The following GDPD1 variants were observed in gnomAD, a reference collection of about 807,000 sequenced individuals.
The protein encoded by GDPD1 is lysophospholipase D GDPD1.
GDPD1 carries 28 observed loss-of-function variants against 45.1 expected under a neutral mutation model. That is an observed-to-expected ratio of 0.62 (90% CI 0.46 to 0.85). GDPD1 has a LOEUF of 0.85. Among genes scored for constraint, GDPD1 ranks in the 40% least tolerant of loss-of-function variants. GDPD1 has a pLI of 0.00. For synonymous variants in GDPD1, 139 were observed against 131.4 expected (o/e 1.06, Z -0.40); for missense variants, 256 against 364.8 (o/e 0.70, Z 2.43).
At chr17:59,264,363 A>G (rs1336690266) in intron 6 of GDPD1, among the ~76,000 whole-genome samples, 1 of 149,828 alleles carries the variant, frequency 6.7e-6, no homozygotes, top group African/African-American at 2.5e-5. Context: ...GCACGATCTC[A>G]GCTCACTGCA....
chr17:59,230,807 A>C (rs1312150633), intron 1 of GDPD1, among the ~76,000 whole-genome samples: 1 of 152,182 alleles, frequency 6.6e-6, no homozygotes, highest in Non-Finnish European at 1.5e-5. Context: ...TGCTGTTGAA[A>C]ATCTGACACA....
intron 6 of GDPD1, chr17:59,260,981 G>T (rs890937995): frequency 1.3e-5 from 2 of 152,118 alleles, no homozygotes; most frequent in African/African-American, 4.8e-5. Context: ...TAAGTTTGTT[G>T]TGGTTGTTGT....
intron 1 of GDPD1, among the ~76,000 whole-genome samples, chr17:59,232,911 A>AT (rs2047102293): frequency 6.6e-6 from 1 of 152,020 alleles, no homozygotes; most frequent in Non-Finnish European, 1.5e-5. Flanking sequence ...GTGTATGGTA[A>AT]TTTTTTAATC....
chr17:59,220,645 G>A lies in GDPD1; in HGVS notation c.36G>A (p.Thr12=), dbSNP rs757981999. Residue 12 remains threonine (T), a synonymous_variant, in exon 1 of 10, where the codon ACG becomes ACA. Transcript: ENST00000284116. ...SSTAAFYLLS[T]LGGYLVTSFL... ...CTGCGGCTTTTTACCTTCTCTCTAC[G>A]CTAGGAGGATACTTGGTGACCTCAT... 8 of 1,614,102 alleles carry A rather than the reference G, an allele frequency of 5.0e-6. No homozygotes were observed. Among genetic ancestry groups the A allele is most frequent in the Middle Eastern group, 1.6e-4 (1 of 6,062 alleles).
chr17:59,246,218 T>C (rs1180902739), intron 3 of GDPD1, among the ~76,000 whole-genome samples: 1 of 152,180 alleles, frequency 6.6e-6, no homozygotes, highest in Admixed American at 6.5e-5. Flanking sequence ...AAAACACTTA[T>C]GTTAACAGGA....
intron 7 of GDPD1, among the ~76,000 whole-genome samples, chr17:59,269,751 A>C (rs1260931168): frequency 1.3e-5 from 2 of 151,998 alleles, no homozygotes; most frequent in Admixed American, 1.3e-4. Flanking sequence ...TGAACCCAGA[A>C]GGTGGGGGTT....
rs1174794003 is a variant in GDPD1 at position 59,255,743 on chromosome 17, C to CAAAAAA, written c.368-1364_368-1359dup. On this transcript the variant is annotated intron_variant, in intron 4 of 9. Coordinates refer to ENST00000284116, the MANE Select transcript of GDPD1 (RefSeq NM_182569.4). ...GGGCAACAAGAACGAAACTCCGTCT[C>CAAAAAA]AAAAAAAAAAAAAAAAAAAATATAT... is the stretch of plus-strand genomic sequence containing the variant. Among the ~76,000 whole-genome samples, 5 of 26,612 alleles carry CAAAAAA rather than the reference C, an allele frequency of 1.9e-4. 1 individual carries two copies. Among genetic ancestry groups the CAAAAAA allele is most frequent in the African/African-American group, 7.7e-4 (3 of 3,880 alleles). 17.5% of individuals were successfully genotyped at this position (26,612 alleles called of 152,430 possible).
chr17:59,245,337 C>T, intron 2 of GDPD1, 77 bp from the exon 3 acceptor site: 3 of 1,148,802 alleles, frequency 2.6e-6, no homozygotes, highest in Non-Finnish European at 3.8e-6. Flanking sequence ...ATTTGTAACT[C>T]TGAATTGTTA....
At position 59,274,154 on chromosome 17, in the gene GDPD1, C is replaced by A; in HGVS notation, c.*381C>A. On this transcript the variant is annotated 3_prime_UTR_variant, in exon 10 of 10. Transcript: ENST00000284116. ...AAACTAGGTTATCTAGGTTATTGAT[C>A]AAGATTTCTGTAGATGATGCAGTGT... The A allele has an allele frequency of 1.1e-6, 1 of 948,236 alleles. No homozygotes were observed. The highest frequency in any genetic ancestry group is 1.3e-6 in the Non-Finnish European group (1 of 797,298). The allele number at this position is 948,236 out of a possible 1,614,324, so 58.7% of individuals were successfully genotyped here.
intron 1 of GDPD1, among the ~76,000 whole-genome samples, chr17:59,228,846 C>T (rs1011780269): frequency 6.6e-6 from 1 of 150,754 alleles, no homozygotes; most frequent in African/African-American, 2.4e-5. Flanking sequence ...TGCCACTGCA[C>T]TCCAGCCTGG....
intron 3 of GDPD1, among the ~76,000 whole-genome samples, chr17:59,248,120 G>T (rs1031577199): frequency 2.6e-5 from 4 of 151,810 alleles, no homozygotes; most frequent in African/African-American, 9.7e-5. Flanking sequence ...TTTGCCAGCT[G>T]GGTGCGGTAG....
chr17:59,272,797 G>A lies in GDPD1; in HGVS notation c.783G>A (p.Arg261=). The A allele has an allele frequency of 6.2e-7, 1 of 1,610,912 alleles. No individual in the cohort carries two copies. The highest frequency in any genetic ancestry group is 8.5e-7 in the Non-Finnish European group (1 of 1,177,136). Reference sequence around the variant, plus strand: ...TTTTCTTTTCTAGCTTACTAATGAGGAAAGCTTTGTTTGACCACCTAACTG... The same window carrying A: ...TTTTCTTTTCTAGCTTACTAATGAGAAAAGCTTTGTTTGACCACCTAACTG... ...LIWLSDLLLM[R]KALFDHLTAR... Residue 261 remains arginine, a synonymous_variant, in exon 9 of 10, where the codon AGG becomes AGA. Coordinates refer to ENST00000284116, the MANE Select transcript of GDPD1 (RefSeq NM_182569.4).
intron 1 of GDPD1, among the ~76,000 whole-genome samples, chr17:59,221,656 TTGTGTAATAA>T (rs1261141502): frequency 1.4e-4 from 22 of 152,278 alleles, no homozygotes; most frequent in Admixed American, 4.6e-4. Context: ...TTCTTCATTA[TTGTGTAATAA>T]TGTGTCTTCA....
chr17:59,264,450 C>T (rs146748260), intron 6 of GDPD1, among the ~76,000 whole-genome samples: 3,039 of 152,090 alleles, frequency 0.02, 109 homozygotes, highest in African/African-American at 0.069. Context: ...CCTGCCATCA[C>T]GCCTGGCTAA....
At chr17:59,257,030 T>A (rs919507316) in intron 4 of GDPD1, 92 bp from the exon 5 acceptor site, 1 of 553,126 alleles carries the variant, frequency 1.8e-6, no homozygotes, top group Non-Finnish European at 3.1e-6. Flanking sequence ...ATTTTATAAA[T>A]GTCCTTTAAT....
intron 3 of GDPD1, among the ~76,000 whole-genome samples, chr17:59,247,401 C>G (rs2047220534): frequency 6.6e-6 from 1 of 152,144 alleles, no homozygotes; most frequent in Admixed American, 6.6e-5. Flanking sequence ...TCCCTCATCC[C>G]CTGCCAACCG....
At chr17:59,230,787 C>T (rs1437207758) in intron 1 of GDPD1, among the ~76,000 whole-genome samples, 2 of 152,136 alleles carry the variant, frequency 1.3e-5, no homozygotes, top group African/African-American at 4.8e-5. Flanking sequence ...GACAAGTTTG[C>T]CAGGGTCATT....
intron 4 of GDPD1, among the ~76,000 whole-genome samples, chr17:59,255,761 AAATAT>A (rs1361647192): frequency 3.9e-5 from 3 of 76,880 alleles, no homozygotes; most frequent in Non-Finnish European, 6.8e-5. Flanking sequence ...AAAAAAAAAA[AAATAT>A]ATATATATAT....
At chr17:59,245,625 T>C in intron 3 of GDPD1, 76 bp downstream of exon 3, 3 of 1,124,784 alleles carry the variant, frequency 2.7e-6, no homozygotes, top group Non-Finnish European at 3.8e-6. Flanking sequence ...ATAGCGAATA[T>C]CAGCAAAAAA....
Sources: allele counts gnomAD v4.1 joint callset (sites outside exome capture counted in the v4.1 genomes callset), GRCh38; gene constraint gnomAD v4.1.1; transcripts MANE v1.5; gene names NCBI Gene and HGNC (gene_info 2026-07-23, HGNC 2026-07-21).